The following SLC2A13 variants were observed in gnomAD, a reference collection of about 807,000 sequenced individuals.
The protein encoded by SLC2A13 is proton myo-inositol cotransporter.
SLC2A13 carries 32 observed loss-of-function variants against 64.4 expected under a neutral mutation model. That is an observed-to-expected ratio of 0.50 (90% CI 0.37 to 0.67). The LOEUF is 0.67. Ranked by LOEUF, SLC2A13 falls within the 30% of genes least tolerant of loss-of-function variation. The pLI is 0.00. For synonymous variants in SLC2A13, 338 were observed against 327.1 expected (o/e 1.03, Z -0.36); for missense variants, 743 against 829.2 (o/e 0.90, Z 1.28).
intron 3 of SLC2A13, among the ~76,000 whole-genome samples, chr12:40,025,413 A>G (rs978671168): frequency 1.3e-5 from 2 of 152,244 alleles, no homozygotes; most frequent in Non-Finnish European, 2.9e-5. Flanking sequence ...AATTCAAGTG[A>G]ACAAGAAAAA....
chr12:40,016,815 T>C (rs1043159475), intron 3 of SLC2A13, among the ~76,000 whole-genome samples: 1 of 152,228 alleles, frequency 6.6e-6, no homozygotes, highest in African/African-American at 2.4e-5. Context: ...TGAAATTTCA[T>C]TGTACTTATA....
intron 3 of SLC2A13, among the ~76,000 whole-genome samples, chr12:39,970,184 G>A (rs1403634205): frequency 6.6e-6 from 1 of 152,212 alleles, no homozygotes; most frequent in East Asian, 1.9e-4. Flanking sequence ...CCAGTACCAT[G>A]CTGTTTTGGT....
intron 7 of SLC2A13, among the ~76,000 whole-genome samples, chr12:39,818,607 C>T (rs75152389): frequency 0.014 from 2,131 of 152,188 alleles, 38 homozygotes; most frequent in African/African-American, 0.047. Flanking sequence ...GCTTTGTAAT[C>T]ACCTTTGAAA....
intron 1 of SLC2A13, among the ~76,000 whole-genome samples, chr12:40,060,170 C>T (rs1375458833): frequency 1.3e-5 from 2 of 152,032 alleles, no homozygotes; most frequent in Non-Finnish European, 2.9e-5. Flanking sequence ...TATAGTAACA[C>T]AGACATATAG....
At chr12:40,050,161 C>T (rs1404808831) in intron 1 of SLC2A13, among the ~76,000 whole-genome samples, 2 of 152,156 alleles carry the variant, frequency 1.3e-5, no homozygotes, top group African/African-American at 4.8e-5. Context: ...AGTTCTTTTA[C>T]TATTAGAACA....
At chr12:39,774,783 T>C (rs1276732069) in intron 7 of SLC2A13, among the ~76,000 whole-genome samples, 1 of 152,162 alleles carries the variant, frequency 6.6e-6, no homozygotes, top group Non-Finnish European at 1.5e-5. Flanking sequence ...CTGAATAAAA[T>C]ATTATTTATC....
At chr12:39,789,304 T>A (rs1014643518) in intron 7 of SLC2A13, among the ~76,000 whole-genome samples, 1 of 152,108 alleles carries the variant, frequency 6.6e-6, no homozygotes, top group Non-Finnish European at 1.5e-5. Flanking sequence ...TAATGGATTA[T>A]TATATGATTT....
rs1376577170 is a variant in SLC2A13, at chr12:39,799,096, T to TC, written c.1445+31006_1445+31007insG. Among the ~76,000 whole-genome samples, 323 of 147,818 alleles carry TC rather than the reference T, an allele frequency of 2.2e-3. 2 individuals carry two copies. Among genetic ancestry groups the TC allele is most frequent in the African/African-American group, 7.7e-3 (305 of 39,614 alleles). On this transcript the variant is annotated intron_variant, in intron 7 of 9. Transcript: ENST00000280871. ...TTTTTTTTTCCTTTTTTTTTTTTTTTAGACTCAGAGTCTCACTCTGTCTCC... is the reference window on the plus strand; with the variant it reads ...TTTTTTTTTCCTTTTTTTTTTTTTTTCAGACTCAGAGTCTCACTCTGTCTCC...
chr12:39,956,290 G>C (rs1274984104), intron 3 of SLC2A13, among the ~76,000 whole-genome samples: 1 of 152,152 alleles, frequency 6.6e-6, no homozygotes, highest in Non-Finnish European at 1.5e-5. Context: ...GCAGATCAAT[G>C]GTTGCCTGTG....
chr12:39,994,319 C>A (rs1591988766), intron 3 of SLC2A13, among the ~76,000 whole-genome samples: 1 of 149,674 alleles, frequency 6.7e-6, no homozygotes, highest in South Asian at 2.1e-4. Context: ...GGAGGCGGAG[C>A]TTGCAGTGAG....
intron 1 of SLC2A13, among the ~76,000 whole-genome samples, chr12:40,064,532 T>G (rs987091358): frequency 1.3e-5 from 2 of 152,262 alleles, no homozygotes; most frequent in Non-Finnish European, 2.9e-5. Context: ...AAGGAAATTC[T>G]TTTTAAAATC....
intron 1 of SLC2A13, among the ~76,000 whole-genome samples, chr12:40,064,984 A>G (rs1328254214): frequency 6.6e-6 from 1 of 152,196 alleles, no homozygotes; most frequent in Admixed American, 6.5e-5. Context: ...TGATGCAGCA[A>G]AACAATCCCA....
intron 5 of SLC2A13, among the ~76,000 whole-genome samples, chr12:39,868,542 T>C (rs1012248132): frequency 6.6e-6 from 1 of 152,174 alleles, no homozygotes; most frequent in Non-Finnish European, 1.5e-5. Context: ...TAGATCTGGG[T>C]TAAGGCCCAA....
chr12:39,844,311 A>T (rs1943251783), intron 6 of SLC2A13, among the ~76,000 whole-genome samples: 1 of 152,100 alleles, frequency 6.6e-6, no homozygotes, highest in South Asian at 2.1e-4. Flanking sequence ...GTTTAGGGTC[A>T]TAGTAACAGC....
intron 3 of SLC2A13, among the ~76,000 whole-genome samples, chr12:40,003,007 T>C (rs1241858179): frequency 1.3e-5 from 2 of 152,180 alleles, no homozygotes; most frequent in African/African-American, 4.8e-5. Context: ...ACGCTAGGCG[T>C]ATTGGTCACT....
intron 4 of SLC2A13, among the ~76,000 whole-genome samples, chr12:39,898,547 C>A (rs1404159855): frequency 2.0e-5 from 3 of 152,144 alleles, no homozygotes; most frequent in Non-Finnish European, 4.4e-5. Flanking sequence ...CAGCTAAACA[C>A]CAGGCAAAAT....
intron 4 of SLC2A13, among the ~76,000 whole-genome samples, chr12:39,938,473 C>T (rs796107380): frequency 2.0e-5 from 3 of 147,230 alleles, no homozygotes; most frequent in Non-Finnish European, 3.0e-5. Flanking sequence ...TTTGAATGTA[C>T]AGCAATGATA....
At chr12:39,972,424 G>A (rs1946679724) in intron 3 of SLC2A13, among the ~76,000 whole-genome samples, 1 of 152,094 alleles carries the variant, frequency 6.6e-6, no homozygotes, top group Non-Finnish European at 1.5e-5. Context: ...TTTCACTGAG[G>A]AAACAGAAGC....
intron 1 of SLC2A13, among the ~76,000 whole-genome samples, chr12:40,092,969 A>T (rs1157685979): frequency 6.6e-6 from 1 of 152,250 alleles, no homozygotes; most frequent in East Asian, 1.9e-4. Flanking sequence ...GAGCATTATT[A>T]ACATGTGGAA....
Sources: allele counts gnomAD v4.1 joint callset (sites outside exome capture counted in the v4.1 genomes callset), GRCh38; gene constraint gnomAD v4.1.1; transcripts MANE v1.5; gene names NCBI Gene and HGNC (gene_info 2026-07-23, HGNC 2026-07-21).